The following ARMCX4 variants were observed in gnomAD, a reference collection of about 807,000 sequenced individuals.
ARMCX4 encodes armadillo repeat-containing X-linked protein 4.
ARMCX4 carries 3 observed loss-of-function variants against 34.7 expected under a neutral mutation model. The ratio of observed to expected loss-of-function variants is 0.09; its 90% CI spans 0.04 to 0.22. The LOEUF is 0.22. ARMCX4 is among the 10% of genes least tolerant of loss of function. The probability of loss-of-function intolerance (pLI) is 1.00; values close to 1 mark genes in which losing one functional copy is unlikely to be tolerated. For missense variants in ARMCX4, 1,448 were observed against 1,720.8 expected, an observed-to-expected ratio of 0.84 and a Z score of 2.81; for synonymous variants, 513 against 632.8, an observed-to-expected ratio of 0.81 and a Z score of 2.84.
At position 101,495,502 on chromosome X, in the gene ARMCX4, G is replaced by C; in HGVS notation, c.*40G>C. 9.3e-7 allele frequency: 1 copy of C among 1,077,159 alleles called. No individual in the cohort carries two copies. The highest frequency in any genetic ancestry group is 1.2e-6 in the Non-Finnish European group (1 of 834,806). 88.8% of individuals were successfully genotyped at this position (1,077,159 alleles called of 1,213,427 possible). ...CCAAACAAATTTGAGTAATATTTTG[G>C]TTTTGCACTCTGGAAGTAATGCACA... On this transcript the variant is annotated 3_prime_UTR_variant, in exon 6 of 6. Transcript: ENST00000423738.
intron 11 of ARMCX4, among the ~76,000 whole-genome samples, chrX:101,529,445 A>G (rs1296356344): frequency 8.9e-6 from 1 of 112,040 alleles, no homozygotes; most frequent in East Asian, 2.8e-4. Flanking sequence ...TGTCTAAAAC[A>G]CCAAAAGCAA....
intron 4 of ARMCX4, among the ~76,000 whole-genome samples, chrX:101,462,638 CAAAA>C (rs34826497): frequency 2.5e-5 from 1 of 40,658 alleles, no homozygotes. Flanking sequence ...GACTCTGTCT[CAAAA>C]AAAAAAAAAA....
rs1929277079 is a variant in ARMCX4, at chrX:101,421,785, A to G, written n.164+2785A>G. Among the ~76,000 whole-genome samples, 5 of 110,404 alleles carry G rather than the reference A, an allele frequency of 4.5e-5. No homozygotes were observed. The Admixed American group carries it at 4.8e-4, about 11-fold the overall frequency. On this transcript the variant is annotated intron_variant and non_coding_transcript_variant, in intron 2 of 3. Coordinates refer to the ARMCX4 transcript ENST00000430461. ...TCCCACCTGTGAGGGTAGAGCCCTC[A>G]TGGCTTAATCACCTCTTAAAAGTCT...
chrX:101,484,303 G>A (rs1250728044), upstream of ARMCX4, among the ~76,000 whole-genome samples: 2 of 111,737 alleles, frequency 1.8e-5, no homozygotes, highest in Non-Finnish European at 3.8e-5. Flanking sequence ...CAAGTGTTAC[G>A]ACGGATGAAA....
Position 101,492,942 on chromosome X carries a change from T to A in ARMCX4, c.4353T>A (p.Thr1451=). ...IVDQANGGSW[T]GAGHPASVGP... is the part of the protein sequence containing the mutation. ...ACCAGGCCAATGGAGGGTCCTGGAC[T>A]GGGGCTGGGCATCCAGCTAGTGTTG... The change falls in exon 6 of 6, where the codon ACT becomes ACA. Residue 1451 remains threonine, a synonymous_variant. Coordinates refer to ENST00000423738, the MANE Select transcript of ARMCX4 (RefSeq NM_001256155.3). The A allele has an allele frequency of 8.7e-7, 1 of 1,155,320 alleles. No homozygotes were observed. Among genetic ancestry groups the A allele is most frequent in the Non-Finnish European group, 1.1e-6 (1 of 872,312 alleles).
At chrX:101,420,727 G>T (rs1333945863) in intron 2 of ARMCX4, among the ~76,000 whole-genome samples, 1 of 112,504 alleles carries the variant, frequency 8.9e-6, no homozygotes. Flanking sequence ...GAGATGGCAT[G>T]GTGAGTAAAA....
At chrX:101,430,937 A>C (rs1555991828) in intron 2 of ARMCX4, among the ~76,000 whole-genome samples, 3 of 111,281 alleles carry the variant, frequency 2.7e-5, no homozygotes, top group African/African-American at 9.8e-5. Context: ...ATATTTACAG[A>C]GTGTGGATTG....
chrX:101,433,203 TGCATATACGCAC>T (rs375253082), intron 2 of ARMCX4, among the ~76,000 whole-genome samples: 17 of 30,534 alleles, frequency 5.6e-4, no homozygotes, highest in East Asian at 1.5e-3. Context: ...CACATATATG[TGCATATACGCAC>T]ATATATACAT....
In ARMCX4 at chrX:101,490,318, A is replaced by G. The variant is rs1556008360; in HGVS notation, c.1729A>G (p.Lys577Glu). ...DGRGNPNATS[K>E]AGTKADQRVC... is the part of the protein sequence containing the mutation. ...TAGGGGCAATCCTAATGCCACTTCTAAAGCCGGGACTAAGGCAGACCAGAG... is the reference window on the plus strand; with the variant it reads ...TAGGGGCAATCCTAATGCCACTTCTGAAGCCGGGACTAAGGCAGACCAGAG... Residue 577 changes from lysine to glutamate, a missense_variant, in exon 6 of 6, where the codon AAA (lysine) becomes GAA (glutamate). Coordinates refer to ENST00000423738, the MANE Select transcript of ARMCX4 (RefSeq NM_001256155.3). The G allele has an allele frequency of 8.7e-7, 1 of 1,155,049 alleles. No homozygotes were observed. The highest frequency in any genetic ancestry group is 2.6e-5 in the Admixed American group (1 of 38,697).
At chrX:101,424,186 G>T (rs1347653317) in intron 2 of ARMCX4, among the ~76,000 whole-genome samples, 1 of 111,376 alleles carries the variant, frequency 9.0e-6, no homozygotes, top group Non-Finnish European at 1.9e-5. Flanking sequence ...AAACCCGAAA[G>T]AATTGGGTTT....
At chrX:101,517,140 A>G (rs1325076536) in intron 11 of ARMCX4, among the ~76,000 whole-genome samples, 3 of 111,724 alleles carry the variant, frequency 2.7e-5, no homozygotes, top group Non-Finnish European at 5.6e-5. Context: ...TGAGTGATTC[A>G]TATTCAAAGG....
intron 4 of ARMCX4, among the ~76,000 whole-genome samples, chrX:101,469,679 T>C (rs1296269872): frequency 9.0e-6 from 1 of 111,684 alleles, no homozygotes; most frequent in Non-Finnish European, 1.9e-5. Context: ...AGATGTAGAA[T>C]GTTTTCATCA....
intron 2 of ARMCX4, among the ~76,000 whole-genome samples, chrX:101,435,645 T>G (rs782137652): frequency 2.6e-3 from 284 of 110,121 alleles, no homozygotes; most frequent in Non-Finnish European, 4.0e-3. Flanking sequence ...CTCTTTAGTT[T>G]AATTAGATCC....
chrX:101,485,056 G>T (rs1933630893), upstream of ARMCX4, among the ~76,000 whole-genome samples: 1 of 109,790 alleles, frequency 9.1e-6, no homozygotes, highest in Non-Finnish European at 1.9e-5. Flanking sequence ...GGCGGGTGGG[G>T]AGTGCTGGTC....
At chrX:101,510,388 T>C (rs1218162985) in intron 10 of ARMCX4, among the ~76,000 whole-genome samples, 4 of 112,157 alleles carry the variant, frequency 3.6e-5, no homozygotes, top group Non-Finnish European at 5.6e-5. Flanking sequence ...AATATTTTGA[T>C]TATTTCCAGT....
chrX:101,424,698 TC>T (rs1412526330), intron 2 of ARMCX4, among the ~76,000 whole-genome samples: 4 of 111,950 alleles, frequency 3.6e-5, no homozygotes, highest in Admixed American at 1.9e-4. Context: ...TTTTGTTTAC[TC>T]CCCCCTGTAT....
In ARMCX4 at chrX:101,439,772, C is replaced by G. The variant is rs1376798440; in HGVS notation, n.165-4280C>G. On this transcript the variant is annotated intron_variant and non_coding_transcript_variant, in intron 2 of 3. Coordinates refer to the ARMCX4 transcript ENST00000430461. ...CCTTTCTTCCAGTTGATCGAATTGG[C>G]TACTGAGGCTTGTGCATTCGTCATG... Among the ~76,000 whole-genome samples, 11 of 112,164 alleles carry G rather than the reference C, an allele frequency of 9.8e-5. No homozygotes were observed. In the Middle Eastern group the frequency reaches 0.014, roughly 142 times the overall value.
intron 2 of ARMCX4, chrX:101,443,626 G>A (rs1302344019): frequency 5.9e-6 from 1 of 168,601 alleles, no homozygotes; most frequent in Non-Finnish European, 1.1e-5. Flanking sequence ...AAATGAGTTG[G>A]AGTGCTCTTC....
At chrX:101,421,456 G>A (rs782186063) in intron 2 of ARMCX4, among the ~76,000 whole-genome samples, 1 of 111,123 alleles carries the variant, frequency 9.0e-6, no homozygotes, top group African/African-American at 3.3e-5. Flanking sequence ...GGGAGGGAGT[G>A]TGATATTGTG....
Sources: allele counts gnomAD v4.1 joint callset (sites outside exome capture counted in the v4.1 genomes callset), GRCh38; gene constraint gnomAD v4.1.1; transcripts MANE v1.5; gene names NCBI Gene and HGNC (gene_info 2026-07-23, HGNC 2026-07-21).